TNRC6B: variants seen among roughly 807,000 people sequenced by gnomAD.
TNRC6B encodes trinucleotide repeat containing adaptor 6B.
TNRC6B carries 52 observed loss-of-function variants against 203.6 expected under a neutral mutation model. That is an observed-to-expected ratio of 0.26 (90% CI 0.20 to 0.32). TNRC6B has a LOEUF of 0.32. Ranked by LOEUF, TNRC6B falls within the 10% of genes least tolerant of loss-of-function variation. The pLI is 1.00. For missense variants in TNRC6B, 1,923 were observed against 2,286.2 expected (o/e 0.84, Z 3.24); for synonymous variants, 838 against 845.7 (o/e 0.99, Z 0.16).
intron 4 of TNRC6B, among the ~76,000 whole-genome samples, chr22:40,166,527 G>A (rs1232630514): frequency 6.6e-6 from 1 of 151,194 alleles, no homozygotes; most frequent in Non-Finnish European, 1.5e-5. Context: ...CCTATAGCAT[G>A]GTAGACCAAA....
chr22:40,229,600 C>T (rs2069839665), intron 1 of TNRC6B, among the ~76,000 whole-genome samples: 1 of 152,168 alleles, frequency 6.6e-6, no homozygotes, highest in Admixed American at 6.5e-5. Flanking sequence ...TTTATCACCC[C>T]TCTCTGCCAC....
At chr22:40,129,126 A>G (rs1014537814) in intron 3 of TNRC6B, among the ~76,000 whole-genome samples, 1 of 152,122 alleles carries the variant, frequency 6.6e-6, no homozygotes, top group African/African-American at 2.4e-5. Context: ...TAGACACAGG[A>G]AACAGCTGCA....
At position 40,183,727 on chromosome 22, in the gene TNRC6B, C is replaced by T. The variant is rs199531280; in HGVS notation, c.5+5587C>T. ...TTTTTTTTAATATGAGATGGAGTCA[C>T]TCTGTCGCCCGGGCTGGAGTGCAGT... On this transcript the variant is annotated intron_variant, in intron 1 of 22. Transcript: ENST00000454349. 9.9e-5 allele frequency among the ~76,000 whole-genome samples: 15 copies of T among 151,744 alleles called. No homozygotes were observed. In the East Asian group the frequency reaches 1.9e-3, roughly 20 times the overall value.
chr22:40,107,388 T>G (rs566664763), intron 1 of TNRC6B, among the ~76,000 whole-genome samples: 1 of 152,352 alleles, frequency 6.6e-6, no homozygotes, highest in Non-Finnish European at 1.5e-5. Flanking sequence ...GCAGAATGGT[T>G]GGTCTTCATT....
intron 1 of TNRC6B, among the ~76,000 whole-genome samples, chr22:40,067,919 T>C (rs5995804): frequency 0.012 from 1,803 of 152,264 alleles, 42 homozygotes; most frequent in African/African-American, 0.041. Context: ...CACAGTCAAG[T>C]TGATACCTAA....
intron 1 of TNRC6B, among the ~76,000 whole-genome samples, chr22:40,230,704 C>G (rs753310716): frequency 6.6e-6 from 1 of 152,018 alleles, no homozygotes; most frequent in Non-Finnish European, 1.5e-5. Flanking sequence ...TCTTTTTATT[C>G]TCTTAAATGT....
intron 4 of TNRC6B, among the ~76,000 whole-genome samples, chr22:40,166,670 G>T (rs557157189): frequency 5.3e-5 from 8 of 152,094 alleles, no homozygotes; most frequent in Non-Finnish European, 1.2e-4. Context: ...ACCAAAGTGG[G>T]CAGATCACGA....
At chr22:40,057,351 T>C (rs996035095) in intron 1 of TNRC6B, among the ~76,000 whole-genome samples, 2 of 145,368 alleles carry the variant, frequency 1.4e-5, no homozygotes, top group Non-Finnish European at 3.0e-5. Flanking sequence ...TGGAGTACAA[T>C]GGCACCATCT....
At chr22:40,194,604 A>T (rs1357314271) in intron 1 of TNRC6B, among the ~76,000 whole-genome samples, 1 of 151,986 alleles carries the variant, frequency 6.6e-6, no homozygotes, top group Non-Finnish European at 1.5e-5. Flanking sequence ...TTGATACAGA[A>T]CTCTTAGTTT....
At chr22:40,192,279 A>G (rs2069284487) in intron 1 of TNRC6B, among the ~76,000 whole-genome samples, 1 of 152,210 alleles carries the variant, frequency 6.6e-6, no homozygotes, top group African/African-American at 2.4e-5. Flanking sequence ...CAGTCAAAGC[A>G]AGAGGGACAA....
rs546921071 is a variant in TNRC6B, at chr22:40,214,307, T to A, written c.6-31708T>A. On this transcript the variant is annotated intron_variant, in intron 1 of 22. Transcript: ENST00000454349. ...AAAAAAAAAAGGGTAACATGAGGGA[T>A]CCTTGTGATGGAACCGTTCTCTCTC... Among the ~76,000 whole-genome samples the A allele has an allele frequency of 5.3e-5, 8 of 151,496 alleles. No homozygotes were observed. The South Asian group carries it at 1.7e-3, about 32-fold the overall frequency.
intron 1 of TNRC6B, among the ~76,000 whole-genome samples, chr22:40,058,724 G>A (rs1032972853): frequency 2.6e-5 from 4 of 152,132 alleles, no homozygotes; most frequent in South Asian, 4.2e-4. Context: ...ATACCCTGTC[G>A]CTGGCAACCC....
intron 1 of TNRC6B, among the ~76,000 whole-genome samples, chr22:40,223,575 A>G (rs996742282): frequency 6.6e-6 from 1 of 152,238 alleles, no homozygotes; most frequent in Non-Finnish European, 1.5e-5. Context: ...CTTATCTTGA[A>G]GACTTATCTT....
At chr22:40,291,871 A>G (rs1376027405) in intron 12 of TNRC6B, among the ~76,000 whole-genome samples, 1 of 152,218 alleles carries the variant, frequency 6.6e-6, no homozygotes, top group Admixed American at 6.5e-5. Context: ...ACCACATTAT[A>G]GGGGCAATCA....
intron 3 of TNRC6B, among the ~76,000 whole-genome samples, chr22:40,138,705 A>T (rs575910406): frequency 6.6e-6 from 1 of 152,194 alleles, no homozygotes; most frequent in African/African-American, 2.4e-5. Flanking sequence ...AGTTCTCAGC[A>T]TATAGGAATA....
chr22:40,122,488 A>T (rs2068455169), intron 2 of TNRC6B, among the ~76,000 whole-genome samples: 1 of 152,196 alleles, frequency 6.6e-6, no homozygotes, highest in African/African-American at 2.4e-5. Flanking sequence ...TTATGGGTGG[A>T]GGAGAAGAGG....
At chr22:40,124,733 G>A (rs2068473210) in intron 2 of TNRC6B, among the ~76,000 whole-genome samples, 1 of 151,982 alleles carries the variant, frequency 6.6e-6, no homozygotes, top group Non-Finnish European at 1.5e-5. Flanking sequence ...TCCTCAATAG[G>A]GCCAGGAGCG....
intron 5 of TNRC6B, among the ~76,000 whole-genome samples, chr22:40,268,602 G>A (rs1397497530): frequency 6.6e-6 from 1 of 152,034 alleles, no homozygotes; most frequent in Non-Finnish European, 1.5e-5. Context: ...GTGTGGAAAA[G>A]CAAAAGATAG....
intron 1 of TNRC6B, among the ~76,000 whole-genome samples, chr22:40,075,156 A>ATTTTTTTT (rs58240994): frequency 2.0e-4 from 7 of 35,560 alleles, no homozygotes; most frequent in Non-Finnish European, 2.6e-4. Context: ...ATATATATAT[A>ATTTTTTTT]TTTTTTTTTT....
Sources: gnomAD v4.1 joint callset for allele counts (sites outside exome capture counted in the v4.1 genomes callset) on GRCh38, gnomAD v4.1.1 for gene constraint, MANE v1.5 for transcripts, NCBI Gene and HGNC (gene_info 2026-07-23, HGNC 2026-07-21) for gene names.